The following PDE4D variants were observed in gnomAD, a reference collection of about 807,000 sequenced individuals.
PDE4D encodes the protein 3',5'-cyclic-AMP phosphodiesterase 4D.
PDE4D carries 24 observed loss-of-function variants against 87.4 expected under a neutral mutation model. The ratio of observed to expected loss-of-function variants is 0.27; its 90% CI spans 0.20 to 0.39. The LOEUF is 0.39. PDE4D is among the 10% of genes least tolerant of loss of function. The pLI is 1.00. For missense variants in PDE4D, 714 were observed against 1,041.0 expected (o/e 0.69, Z 4.32); for synonymous variants, 384 against 383.2 (o/e 1.00, Z -0.02).
chr5:60,295,125 A>G (rs1486136448), intron 1 of PDE4D, among the ~76,000 whole-genome samples: 1 of 152,104 alleles, frequency 6.6e-6, no homozygotes, highest in East Asian at 2.0e-4. Flanking sequence ...TGGCATTATA[A>G]GAAATGAAAT....
At chr5:60,187,214 G>T (rs540904539) in intron 1 of PDE4D, among the ~76,000 whole-genome samples, 21 of 152,122 alleles carry the variant, frequency 1.4e-4, no homozygotes, top group Non-Finnish European at 2.6e-4. Flanking sequence ...TTTTCTAAAG[G>T]AGTAGGATTT....
At chr5:59,953,099 CT>C (rs57162687) in intron 3 of PDE4D, among the ~76,000 whole-genome samples, 5,977 of 152,092 alleles carry the variant, frequency 0.039, 363 homozygotes, top group African/African-American at 0.14. Flanking sequence ...GTTTCATCAT[CT>C]TTTTTCTTTA....
At chr5:60,501,168 A>T (rs968446389) in intron 1 of PDE4D, among the ~76,000 whole-genome samples, 2 of 151,932 alleles carry the variant, frequency 1.3e-5, no homozygotes, top group African/African-American at 4.8e-5. Flanking sequence ...ACCCCACAAC[A>T]GTCCCCAGAG....
chr5:59,373,348 A>G (rs1360753357), intron 1 of PDE4D, among the ~76,000 whole-genome samples: 1 of 152,230 alleles, frequency 6.6e-6, no homozygotes, highest in Non-Finnish European at 1.5e-5. Context: ...AACCTGATAG[A>G]ACTGAAAACA....
intron 2 of PDE4D, among the ~76,000 whole-genome samples, chr5:60,181,123 T>G (rs1784343112): frequency 6.6e-6 from 1 of 152,172 alleles, no homozygotes; most frequent in Admixed American, 6.5e-5. Flanking sequence ...TTTCTAAATT[T>G]ATTTTTTGGC....
intron 5 of PDE4D, among the ~76,000 whole-genome samples, chr5:59,136,547 T>C (rs138164643): frequency 3.9e-3 from 589 of 152,254 alleles, no homozygotes; most frequent in Non-Finnish European, 6.5e-3. Flanking sequence ...ATGTGTCAAA[T>C]AAGAATGATC....
chr5:59,475,753 G>A (rs1307458899), intron 1 of PDE4D, among the ~76,000 whole-genome samples: 6 of 151,968 alleles, frequency 3.9e-5, no homozygotes, highest in South Asian at 2.1e-4. Context: ...AGACTCAGTC[G>A]TTGTAGGGCT....
At chr5:59,025,095 A>C (rs1048382387) in intron 6 of PDE4D, among the ~76,000 whole-genome samples, 1 of 152,118 alleles carries the variant, frequency 6.6e-6, no homozygotes, top group Admixed American at 6.6e-5. Context: ...AGCTTTGTTC[A>C]ATCTTTACAG....
intron 1 of PDE4D, among the ~76,000 whole-genome samples, chr5:59,475,854 G>A (rs9942415): frequency 0.19 from 28,730 of 151,864 alleles, 2,879 homozygotes; most frequent in Admixed American, 0.22. Context: ...TTAGAGGGCA[G>A]GCTTGTCTTT....
intron 1 of PDE4D, among the ~76,000 whole-genome samples, chr5:60,480,137 C>T (rs28481826): frequency 0.13 from 19,165 of 152,086 alleles, 1,313 homozygotes; most frequent in Non-Finnish European, 0.16. Flanking sequence ...CAATCAGTAT[C>T]ACCAAAGGAA....
intron 5 of PDE4D, among the ~76,000 whole-genome samples, chr5:59,115,234 T>TG (rs1349625773): frequency 6.6e-6 from 1 of 152,150 alleles, no homozygotes; most frequent in African/African-American, 2.4e-5. Flanking sequence ...TTTGATGATT[T>TG]GGGGTCATCA....
chr5:60,467,371 AGACTTGAG>A (rs1747443594), intron 1 of PDE4D, among the ~76,000 whole-genome samples: 1 of 152,018 alleles, frequency 6.6e-6, no homozygotes, highest in African/African-American at 2.4e-5. Flanking sequence ...TTAAAACTTA[AGACTTGAG>A]AATTTTCCAA....
At chr5:60,338,995 T>C (rs1211893640) in intron 1 of PDE4D, among the ~76,000 whole-genome samples, 4 of 152,194 alleles carry the variant, frequency 2.6e-5, no homozygotes, top group Admixed American at 6.5e-5. Flanking sequence ...TTTCTGTTTA[T>C]GTCTTCCGCC....
chr5:59,786,643 C>G (rs948160199), intron 1 of PDE4D, among the ~76,000 whole-genome samples: 14 of 152,168 alleles, frequency 9.2e-5, no homozygotes, highest in Admixed American at 3.3e-4. Context: ...GTCTCATTGC[C>G]ATGACTATGA....
intron 1 of PDE4D, among the ~76,000 whole-genome samples, chr5:59,848,570 T>A (rs372924018): frequency 3.4e-4 from 50 of 148,072 alleles, no homozygotes; most frequent in African/African-American, 1.1e-3. Context: ...TCAAACTGCA[T>A]GTATCTATGT....
intron 5 of PDE4D, among the ~76,000 whole-genome samples, chr5:59,168,686 G>C (rs1312885692): frequency 6.6e-6 from 1 of 152,166 alleles, no homozygotes; most frequent in Non-Finnish European, 1.5e-5. Context: ...GAAAGAGAGA[G>C]AGAGAGGGAG....
intron 5 of PDE4D, among the ~76,000 whole-genome samples, chr5:59,089,644 T>A (rs1768338124): frequency 1.3e-5 from 2 of 152,158 alleles, no homozygotes; most frequent in Non-Finnish European, 2.9e-5. Flanking sequence ...CAGTCTGTAC[T>A]CCTTACAACT....
intron 1 of PDE4D, among the ~76,000 whole-genome samples, chr5:60,195,390 A>G (rs1741099060): frequency 6.6e-6 from 1 of 151,802 alleles, no homozygotes; most frequent in Non-Finnish European, 1.5e-5. Flanking sequence ...ACAACATAAA[A>G]TATGCTTAGT....
intron 1 of PDE4D, among the ~76,000 whole-genome samples, chr5:59,856,159 C>A (rs1208772506): frequency 6.6e-6 from 1 of 152,064 alleles, no homozygotes; most frequent in African/African-American, 2.4e-5. Flanking sequence ...ATTGAATTCA[C>A]CCCTTGCTCT....
Sources: gnomAD v4.1 joint callset for allele counts (sites outside exome capture counted in the v4.1 genomes callset) on GRCh38, gnomAD v4.1.1 for gene constraint, MANE v1.5 for transcripts, NCBI Gene and HGNC (gene_info 2026-07-23, HGNC 2026-07-21) for gene names.